PRR11: variants seen among roughly 807,000 people sequenced by gnomAD.
The protein encoded by PRR11 is proline-rich protein 11.
In PRR11, 30 loss-of-function variants were observed where a neutral mutation model predicts 45.6. The ratio of observed to expected loss-of-function variants is 0.66; its 90% CI spans 0.49 to 0.89. PRR11 has a LOEUF of 0.89. PRR11 is among the 40% of genes least tolerant of loss of function. The pLI is 0.00. For missense variants in PRR11, 373 were observed against 424.8 expected, an observed-to-expected ratio of 0.88 and a Z score of 1.07; for synonymous variants, 128 against 153.5, an observed-to-expected ratio of 0.83 and a Z score of 1.23.
At chr17:59,192,609 A>G (rs1568326360) in intron 4 of PRR11, among the ~76,000 whole-genome samples, 1 of 152,082 alleles carries the variant, frequency 6.6e-6, no homozygotes, top group Non-Finnish European at 1.5e-5. Flanking sequence ...TCTTCGCTCT[A>G]TGTCTTCACA....
intron 2 of PRR11, chr17:59,174,970 A>G (rs2046735537): frequency 1.2e-6 from 1 of 830,080 alleles, no homozygotes; most frequent in Admixed American, 1.9e-5. Flanking sequence ...TCCTCCAACT[A>G]CTCCAGGGAA....
intron 2 of PRR11, among the ~76,000 whole-genome samples, chr17:59,178,269 A>G (rs1202116843): frequency 1.3e-5 from 2 of 152,150 alleles, no homozygotes; most frequent in African/African-American, 4.8e-5. Flanking sequence ...AGGAGGCTTC[A>G]GCTGCAGTGA....
chr17:59,198,368 T>C (rs1168452992), intron 9 of PRR11, among the ~76,000 whole-genome samples: 1 of 151,616 alleles, frequency 6.6e-6, no homozygotes, highest in Non-Finnish European at 1.5e-5. Context: ...GACAAAACCC[T>C]GTCTCCACTA....
At chr17:59,158,786 AAGG>A (rs1436790605) in intron 1 of PRR11, among the ~76,000 whole-genome samples, 4 of 152,200 alleles carry the variant, frequency 2.6e-5, no homozygotes, top group Non-Finnish European at 4.4e-5. Flanking sequence ...GGGGGATGGT[AAGG>A]AGAAGAGACA....
rs74470483 is a variant in PRR11 at position 59,204,100 on chromosome 17, A to C, written c.*2469A>C. 1 of 152,008 alleles carries C rather than the reference A, an allele frequency of 6.6e-6. No individual in the cohort carries two copies. Among genetic ancestry groups the C allele is most frequent in the Non-Finnish European group, 1.5e-5 (1 of 68,018 alleles). 9.4% of individuals were successfully genotyped at this position (152,008 alleles called of 1,614,324 possible). A position where few individuals can be genotyped will look rare whatever the true frequency, so the allele number is the denominator to read the frequency against. ...ATTCTTGTGGGATAAGAGATCATTA[A>C]AAAAATGCTAGGGCCGGGCACCATG... On this transcript the variant is annotated 3_prime_UTR_variant, in exon 10 of 10. Transcript: ENST00000262293.
chr17:59,188,105 A>G (rs1414983789), intron 4 of PRR11, among the ~76,000 whole-genome samples: 1 of 152,212 alleles, frequency 6.6e-6, no homozygotes, highest in African/African-American at 2.4e-5. Flanking sequence ...AATGTAATCT[A>G]TCATCTGGAT....
intron 2 of PRR11, among the ~76,000 whole-genome samples, chr17:59,180,512 TTTTTTTG>T (rs1433133242): frequency 2.3e-5 from 3 of 130,898 alleles, no homozygotes; most frequent in African/African-American, 8.7e-5. Context: ...TTTTTTTTGT[TTTTTTTG>T]TTTTTTTTGC....
In PRR11 at chr17:59,203,371, C is replaced by T. The variant is rs1013049565; in HGVS notation, c.*1740C>T. On this transcript the variant is annotated 3_prime_UTR_variant, in exon 10 of 10. Coordinates refer to ENST00000262293, the MANE Select transcript of PRR11 (RefSeq NM_018304.4). ...TCCTGAGTAGCTGGGATTACAGGTGCGCACTGCCACGCCTGACTAATTTTT... is the reference window on the plus strand; with the variant it reads ...TCCTGAGTAGCTGGGATTACAGGTGTGCACTGCCACGCCTGACTAATTTTT... 9.9e-5 allele frequency: 15 copies of T among 152,160 alleles called. No homozygotes were observed. Among genetic ancestry groups the T allele is most frequent in the Non-Finnish European group, 1.9e-4 (13 of 68,124 alleles). The allele number at this position is 152,160 out of a possible 1,614,324, so 9.4% of individuals were successfully genotyped here.
chr17:59,177,011 G>C (rs1423969394), intron 2 of PRR11, among the ~76,000 whole-genome samples: 1 of 152,032 alleles, frequency 6.6e-6, no homozygotes, highest in Non-Finnish European at 1.5e-5. Context: ...TTTCTTTTTA[G>C]AAACAGCAGT....
At chr17:59,158,781 A>T (rs987020754) in intron 1 of PRR11, among the ~76,000 whole-genome samples, 11 of 152,196 alleles carry the variant, frequency 7.2e-5, no homozygotes, top group African/African-American at 2.7e-4. Flanking sequence ...ACGGAGGGGG[A>T]TGGTAAGGAG....
intron 1 of PRR11, chr17:59,163,469 T>C (rs184807513): frequency 6.6e-6 from 1 of 152,370 alleles, no homozygotes; most frequent in African/African-American, 2.4e-5. Flanking sequence ...ACTTTTTTCC[T>C]AGCTATTTTT....
intron 1 of PRR11, among the ~76,000 whole-genome samples, chr17:59,166,472 G>T (rs2046680613): frequency 6.6e-6 from 1 of 150,442 alleles, no homozygotes; most frequent in Non-Finnish European, 1.5e-5. Context: ...TTTTTGTTTT[G>T]TTTTTTCATT....
chr17:59,163,880 G>A (rs2147833595), intron 1 of PRR11, among the ~76,000 whole-genome samples: 1 of 152,074 alleles, frequency 6.6e-6, no homozygotes, highest in African/African-American at 2.4e-5. Context: ...GCCTGGCCAA[G>A]ATGGGGAAAC....
At chr17:59,184,996 CA>C in intron 2 of PRR11, 57 bp from the exon 3 acceptor site, 1 of 1,542,176 alleles carries the variant, frequency 6.5e-7, no homozygotes, top group Non-Finnish European at 8.8e-7. Context: ...CACACCAGGC[CA>C]AGGCTATTAT....
At chr17:59,196,836 C>T (rs769619245) in intron 7 of PRR11, among the ~76,000 whole-genome samples, 9 of 152,084 alleles carry the variant, frequency 5.9e-5, no homozygotes, top group Admixed American at 1.3e-4. Flanking sequence ...ATGTTCCCAT[C>T]GGCATCTACT....
intron 2 of PRR11, among the ~76,000 whole-genome samples, chr17:59,171,214 G>C (rs1274867435): frequency 4.6e-5 from 7 of 151,590 alleles, no homozygotes; most frequent in African/African-American, 1.7e-4. Context: ...AGTGAGCCGA[G>C]ACAGTGCCAC....
chr17:59,178,967 C>T (rs1363340738), intron 2 of PRR11, among the ~76,000 whole-genome samples: 2 of 152,002 alleles, frequency 1.3e-5, no homozygotes, highest in South Asian at 2.1e-4. Context: ...CAGCTGAAGC[C>T]GCTTTCTTTG....
intron 4 of PRR11, among the ~76,000 whole-genome samples, chr17:59,187,726 G>A (rs1172247650): frequency 2.0e-5 from 3 of 150,622 alleles, no homozygotes; most frequent in Non-Finnish European, 4.4e-5. Flanking sequence ...TTAGCCAGGT[G>A]TGATGGCGGG....
At chr17:59,169,090 ATTCTT>A (rs1251449969) in intron 1 of PRR11, among the ~76,000 whole-genome samples, 6 of 121,880 alleles carry the variant, frequency 4.9e-5, no homozygotes, top group African/African-American at 2.1e-4. Flanking sequence ...AAAGAAACAT[ATTCTT>A]TTTTTTTTTT....
Sources: allele counts gnomAD v4.1 joint callset (sites outside exome capture counted in the v4.1 genomes callset), GRCh38; gene constraint gnomAD v4.1.1; transcripts MANE v1.5; gene names NCBI Gene and HGNC (gene_info 2026-07-23, HGNC 2026-07-21).